The following IRAK1BP1 variants were observed in gnomAD, a reference collection of about 807,000 sequenced individuals.
IRAK1BP1 encodes interleukin 1 receptor associated kinase 1 binding protein 1.
Under a neutral mutation model 28.0 loss-of-function variants are expected in IRAK1BP1, and 24 were observed. That is an observed-to-expected ratio of 0.86 (90% confidence interval 0.62 to 1.20). The LOEUF (loss-of-function observed/expected upper bound fraction) is 1.20, where lower values mean the gene tolerates loss of function less well. IRAK1BP1 is among the 50% of genes most tolerant of loss of function. IRAK1BP1 has a pLI of 0.00. For synonymous variants in IRAK1BP1, 131 were observed against 116.3 expected, an observed-to-expected ratio of 1.13 and a Z score of -0.81; for missense variants, 336 against 316.7, an observed-to-expected ratio of 1.06 and a Z score of -0.46.
chr6:78,963,359 A>T, the IRAK1BP1 span: 2 of 805,252 alleles, frequency 2.5e-6, no homozygotes, highest in Non-Finnish European at 3.8e-6. Context: ...TATTTTGTAT[A>T]GATTTGTAAA....
At chr6:78,940,558 T>TTTTTC (rs1773445976) in intron 4 of IRAK1BP1, 1 of 179,850 alleles carries the variant, frequency 5.6e-6, no homozygotes, top group African/African-American at 2.5e-5. Context: ...GTTTTTTTTT[T>TTTTTC]TTTTTTTTTT....
At chr6:78,974,709 GA>G in the IRAK1BP1 span, among the ~76,000 whole-genome samples, 1 of 152,150 alleles carries the variant, frequency 6.6e-6, no homozygotes, top group Non-Finnish European at 1.5e-5. Context: ...CGATCCCACA[GA>G]AATACAAACT....
intron 4 of IRAK1BP1, among the ~76,000 whole-genome samples, chr6:78,932,836 T>C (rs983526572): frequency 2.6e-5 from 4 of 152,212 alleles, no homozygotes; most frequent in African/African-American, 9.6e-5. Flanking sequence ...ACCTTGTACA[T>C]TGCCATCAGA....
chr6:78,950,716 A>G (rs1275766368), downstream of IRAK1BP1, among the ~76,000 whole-genome samples: 5 of 152,138 alleles, frequency 3.3e-5, no homozygotes, highest in East Asian at 1.9e-4. Flanking sequence ...GATATTAACA[A>G]TCTGTCTTCT....
chr6:78,960,299 A>C, the IRAK1BP1 span, among the ~76,000 whole-genome samples: 1 of 152,166 alleles, frequency 6.6e-6, no homozygotes, highest in Non-Finnish European at 1.5e-5. Context: ...TTATATTTCT[A>C]GTTGCAGTCC....
At chr6:78,965,565 CAAT>C in the IRAK1BP1 span, 7 of 586,760 alleles carry the variant, frequency 1.2e-5, no homozygotes, top group African/African-American at 1.3e-4. Context: ...TCAAGGTGTA[CAAT>C]AATAAATATT....
downstream of IRAK1BP1, among the ~76,000 whole-genome samples, chr6:78,905,449 G>A (rs1168571839): frequency 6.6e-6 from 1 of 152,160 alleles, no homozygotes; most frequent in Non-Finnish European, 1.5e-5. Flanking sequence ...GCTTCTCTAT[G>A]TGTGAATTAG....
intron 1 of IRAK1BP1, among the ~76,000 whole-genome samples, chr6:78,878,171 T>C (rs573552248): frequency 1.3e-3 from 192 of 152,262 alleles, no homozygotes; most frequent in African/African-American, 4.5e-3. Flanking sequence ...GAGTTTGAGA[T>C]CTGAGAACGG....
chr6:78,952,667 G>A, the IRAK1BP1 span, among the ~76,000 whole-genome samples: 96 of 151,936 alleles, frequency 6.3e-4, 1 homozygote, highest in South Asian at 8.1e-3. Flanking sequence ...TATCTCTTTA[G>A]TCTGTTTTTA....
At chr6:78,877,285 C>G (rs1275180354) in intron 1 of IRAK1BP1, among the ~76,000 whole-genome samples, 1 of 152,184 alleles carries the variant, frequency 6.6e-6, no homozygotes, top group African/African-American at 2.4e-5. Context: ...CTGTTAAAAA[C>G]TTTCTTAGAT....
the IRAK1BP1 span, chr6:78,969,929 CAG>C: frequency 6.3e-7 from 1 of 1,581,642 alleles, no homozygotes; most frequent in Non-Finnish European, 8.6e-7. Flanking sequence ...TAATTACAAA[CAG>C]AAACAAATTG....
intron 1 of IRAK1BP1, among the ~76,000 whole-genome samples, chr6:78,868,638 C>T (rs1055879074): frequency 2.0e-5 from 3 of 152,276 alleles, no homozygotes; most frequent in Admixed American, 2.0e-4. Context: ...TTAATCCACA[C>T]AATAGCACTG....
chr6:78,908,025 TTTTATTTTA>T (rs1772304245), downstream of IRAK1BP1, among the ~76,000 whole-genome samples: 2 of 145,714 alleles, frequency 1.4e-5, no homozygotes, highest in Non-Finnish European at 3.0e-5. Flanking sequence ...GCCTTTTATT[TTTTATTTTA>T]TTTATTTATT....
chr6:78,973,206 G>C, the IRAK1BP1 span, among the ~76,000 whole-genome samples: 9 of 152,088 alleles, frequency 5.9e-5, no homozygotes, highest in Admixed American at 2.0e-4. Flanking sequence ...AGCCAGAAGA[G>C]AGTGGGGGCC....
intron 2 of IRAK1BP1, among the ~76,000 whole-genome samples, chr6:78,889,556 A>G (rs1771555975): frequency 6.7e-6 from 1 of 149,030 alleles, no homozygotes; most frequent in Admixed American, 6.8e-5. Context: ...CAGAATCTAC[A>G]AGGAACTGAA....
chr6:78,978,683 T>C, the IRAK1BP1 span: 1 of 1,595,766 alleles, frequency 6.3e-7, no homozygotes, highest in Admixed American at 1.7e-5. Flanking sequence ...TGTCAAACCA[T>C]TTTCAGTTAG....
chr6:78,872,171 CA>C, intron 1 of IRAK1BP1: 2 of 695,338 alleles, frequency 2.9e-6, no homozygotes, highest in Non-Finnish European at 5.2e-6. Context: ...AGTTTCTCTG[CA>C]GGATTAAATT....
chr6:78,883,225 C>G (rs2127644427), intron 1 of IRAK1BP1, among the ~76,000 whole-genome samples: 1 of 152,260 alleles, frequency 6.6e-6, no homozygotes, highest in Admixed American at 6.5e-5. Flanking sequence ...TGTACCACTA[C>G]ACTGCAGCCT....
chr6:78,921,874 G>A (rs544464154), intron 4 of IRAK1BP1, among the ~76,000 whole-genome samples: 25 of 152,290 alleles, frequency 1.6e-4, no homozygotes, highest in South Asian at 8.3e-4. Flanking sequence ...CTGACTGTTC[G>A]AAGGAAAACT....
Sources: allele counts gnomAD v4.1 joint callset (sites outside exome capture counted in the v4.1 genomes callset), GRCh38; gene constraint gnomAD v4.1.1; transcripts MANE v1.5; gene names NCBI Gene and HGNC (gene_info 2026-07-23, HGNC 2026-07-21).